GRID2: variants seen among roughly 807,000 people sequenced by gnomAD.
GRID2 encodes glutamate receptor ionotropic, delta-2.
GRID2 carries 33 observed loss-of-function variants against 114.8 expected under a neutral mutation model. The observed-to-expected ratio is 0.29, with a 90% confidence interval of 0.22 to 0.38. The LOEUF (loss-of-function observed/expected upper bound fraction) is 0.38. GRID2 is among the 10% of genes least tolerant of loss of function. GRID2 has a pLI of 1.00. For missense variants in GRID2, 1,184 were observed against 1,257.7 expected (o/e 0.94, Z 0.89); for synonymous variants, 505 against 449.9 (o/e 1.12, Z -1.55).
intron 4 of GRID2, among the ~76,000 whole-genome samples, chr4:93,180,809 A>C (rs1156973040): frequency 2.6e-5 from 4 of 152,172 alleles, no homozygotes; most frequent in Non-Finnish European, 5.9e-5. Context: ...GAATCCAGTC[A>C]CATCTCCAGG....
rs569052113 is a variant in GRID2, at chr4:92,935,010, A to G, written c.245-149985A>G. Among the ~76,000 whole-genome samples, 599 of 146,748 alleles carry G rather than the reference A, an allele frequency of 4.1e-3. 51 individuals are homozygous for G. The highest frequency in any genetic ancestry group is 7.1e-3 in the Middle Eastern group (2 of 280). On this transcript the variant is annotated intron_variant, in intron 2 of 15. Coordinates refer to ENST00000282020, the MANE Select transcript of GRID2 (RefSeq NM_001510.4). ...CTTCATGTCTAAAACACCAAAAGCA[A>G]TGGCAACAAAAGCCAAAATTGACAA... is the stretch of plus-strand genomic sequence containing the variant.
intron 4 of GRID2, among the ~76,000 whole-genome samples, chr4:93,194,097 C>A (rs932780091): frequency 2.0e-5 from 3 of 152,052 alleles, no homozygotes; most frequent in Non-Finnish European, 4.4e-5. Flanking sequence ...TACTCTTGAA[C>A]CTGGAATGGA....
At chr4:92,972,868 C>T (rs140133166) in intron 2 of GRID2, among the ~76,000 whole-genome samples, 1 of 152,116 alleles carries the variant, frequency 6.6e-6, no homozygotes, top group East Asian at 1.9e-4. Context: ...TTTGGTTTTG[C>T]TGTTCCTGTG....
chr4:93,809,183 A>G (rs1735087021), exon 2 of GRID2: 1 of 151,878 alleles, frequency 6.6e-6, no homozygotes, highest in Non-Finnish European at 1.5e-5. Flanking sequence ...CATTTTTCCT[A>G]TCTATCTTAC....
intron 8 of GRID2, among the ~76,000 whole-genome samples, chr4:93,358,625 G>A (rs943765424): frequency 4.0e-5 from 6 of 151,826 alleles, no homozygotes; most frequent in Admixed American, 2.6e-4. Flanking sequence ...AAACAAAAAA[G>A]TGCTGATAAA....
intron 2 of GRID2, among the ~76,000 whole-genome samples, chr4:92,674,524 A>T (rs1733238039): frequency 6.6e-6 from 1 of 151,774 alleles, no homozygotes; most frequent in Non-Finnish European, 1.5e-5. Flanking sequence ...TTTATTTATT[A>T]TTACTATTTT....
intron 1 of GRID2, among the ~76,000 whole-genome samples, chr4:92,578,209 C>T (rs1728000241): frequency 1.3e-5 from 2 of 150,122 alleles, no homozygotes; most frequent in African/African-American, 4.9e-5. Flanking sequence ...TGCTGGTGTG[C>T]TGCACCCATT....
intron 8 of GRID2, among the ~76,000 whole-genome samples, chr4:93,273,482 A>C (rs770909821): frequency 6.6e-6 from 1 of 151,118 alleles, no homozygotes; most frequent in African/African-American, 2.4e-5. Flanking sequence ...AAAAATATCC[A>C]TGCCCCAATC....
At chr4:92,332,110 A>T (rs541414907) in intron 1 of GRID2, among the ~76,000 whole-genome samples, 1 of 152,162 alleles carries the variant, frequency 6.6e-6, no homozygotes, top group Non-Finnish European at 1.5e-5. Flanking sequence ...CAGTGATAGT[A>T]CTTTTCTCAG....
intron 2 of GRID2, among the ~76,000 whole-genome samples, chr4:92,702,017 C>T (rs1734697957): frequency 6.6e-6 from 1 of 152,144 alleles, no homozygotes; most frequent in Admixed American, 6.5e-5. Context: ...ATAGGGTTTA[C>T]AACCTCGATG....
intron 4 of GRID2, among the ~76,000 whole-genome samples, chr4:93,185,577 C>T (rs1740322892): frequency 6.6e-6 from 1 of 151,988 alleles, no homozygotes; most frequent in Non-Finnish European, 1.5e-5. Flanking sequence ...TTGTATATCT[C>T]TTTATATATC....
chr4:93,123,235 G>T (rs559418984), intron 4 of GRID2, among the ~76,000 whole-genome samples: 430 of 152,070 alleles, frequency 2.8e-3, no homozygotes, highest in Non-Finnish European at 4.8e-3. Context: ...AACATCTACT[G>T]CTGGTTTTTA....
intron 13 of GRID2, among the ~76,000 whole-genome samples, chr4:93,613,069 C>A (rs949862032): frequency 7.4e-6 from 1 of 134,300 alleles, no homozygotes; most frequent in Admixed American, 7.3e-5. Flanking sequence ...ATTTCATCTT[C>A]CATTGCTGAT....
At chr4:92,652,786 G>T in intron 2 of GRID2, among the ~76,000 whole-genome samples, 1 of 134,614 alleles carries the variant, frequency 7.4e-6, no homozygotes, top group South Asian at 2.5e-4. Context: ...GACCAGCCTG[G>T]CCAAGATGGT....
intron 2 of GRID2, among the ~76,000 whole-genome samples, chr4:92,887,553 T>A (rs1578391854): frequency 2.4e-4 from 1 of 4,222 alleles, no homozygotes; most frequent in Non-Finnish European, 4.6e-4. Context: ...TTAGAATCAA[T>A]GGATCTTGAT....
At chr4:92,575,282 G>GT (rs1010518298) in intron 1 of GRID2, among the ~76,000 whole-genome samples, 67 of 152,122 alleles carry the variant, frequency 4.4e-4, no homozygotes, top group African/African-American at 1.6e-3. Flanking sequence ...AGCAAAGTTT[G>GT]TTTTTATCTG....
intron 8 of GRID2, among the ~76,000 whole-genome samples, chr4:93,365,958 C>G (rs1343888889): frequency 2.0e-5 from 3 of 152,180 alleles, no homozygotes; most frequent in Non-Finnish European, 4.4e-5. Context: ...ACACTAACCA[C>G]TTCCCCAATC....
chr4:92,360,079 T>C (rs1323581311), intron 1 of GRID2, among the ~76,000 whole-genome samples: 1 of 151,996 alleles, frequency 6.6e-6, no homozygotes, highest in Non-Finnish European at 1.5e-5. Flanking sequence ...CAGCAAGTAT[T>C]TGAAGACAGG....
intron 13 of GRID2, among the ~76,000 whole-genome samples, chr4:93,618,193 T>G (rs553450587): frequency 2.6e-5 from 4 of 152,304 alleles, no homozygotes; most frequent in African/African-American, 9.6e-5. Flanking sequence ...GCTGGATTAT[T>G]TGTTGTAGCC....
Sources: gnomAD v4.1 joint callset for allele counts (sites outside exome capture counted in the v4.1 genomes callset) on GRCh38, gnomAD v4.1.1 for gene constraint, MANE v1.5 for transcripts, NCBI Gene and HGNC (gene_info 2026-07-23, HGNC 2026-07-21) for gene names.